SLC25A13: variants seen among roughly 807,000 people sequenced by gnomAD.
The protein encoded by SLC25A13 is electrogenic aspartate/glutamate antiporter SLC25A13, mitochondrial.
SLC25A13 carries 70 observed loss-of-function variants against 85.5 expected under a neutral mutation model. The ratio of observed to expected loss-of-function variants is 0.82; its 90% CI spans 0.68 to 1.00. SLC25A13 has a LOEUF of 1.00. Ranked by LOEUF, SLC25A13 falls within the 50% of genes least tolerant of loss-of-function variation. SLC25A13 has a pLI of 0.00. For synonymous variants in SLC25A13, 259 were observed against 288.7 expected (o/e 0.90, Z 1.04); for missense variants, 765 against 819.8 (o/e 0.93, Z 0.82).
chr7:96,285,913 T>C (rs949810112), intron 2 of SLC25A13, among the ~76,000 whole-genome samples: 1 of 152,172 alleles, frequency 6.6e-6, no homozygotes, highest in African/African-American at 2.4e-5. Flanking sequence ...GAAACAAAAC[T>C]GACTTCCTAG....
chr7:96,294,742 T>G lies in SLC25A13; in HGVS notation c.69+2156A>C, dbSNP rs958397293. 2.0e-5 allele frequency among the ~76,000 whole-genome samples: 3 copies of G among 152,180 alleles called. 1 individual carries two copies. The highest frequency in any genetic ancestry group is 2.0e-4 in the Admixed American group (3 of 15,280). ...ATCCAGGCTGGAATGTGGTGGCACA[T>G]TCATAGCTCACTGAAGCCTCAAATT... On this transcript the variant is annotated intron_variant, in intron 2 of 17. Transcript: ENST00000265631.
At chr7:96,220,120 C>T (rs1343485565) in intron 4 of SLC25A13, among the ~76,000 whole-genome samples, 3 of 152,116 alleles carry the variant, frequency 2.0e-5, no homozygotes, top group African/African-American at 7.2e-5. Flanking sequence ...TTATTGTTAA[C>T]TTTCATTACC....
chr7:96,161,333 C>A (rs1221773711), intron 13 of SLC25A13, among the ~76,000 whole-genome samples: 1 of 152,166 alleles, frequency 6.6e-6, no homozygotes, highest in Non-Finnish European at 1.5e-5. Flanking sequence ...GCTATTCCCT[C>A]AATTCCTGCA....
intron 3 of SLC25A13, among the ~76,000 whole-genome samples, chr7:96,276,172 T>C (rs1479516333): frequency 2.0e-5 from 3 of 152,208 alleles, no homozygotes; most frequent in Non-Finnish European, 4.4e-5. Context: ...CAAGGTCCTT[T>C]ACAGTTTACC....
rs182747646 is a variant in SLC25A13, at chr7:96,210,619, G to A, written c.329-1642C>T. Among the ~76,000 whole-genome samples the A allele has an allele frequency of 6.2e-4, 94 of 152,160 alleles. 1 individual carries two copies. Among genetic ancestry groups the A allele is most frequent in the Non-Finnish European group, 1.2e-4 (8 of 67,996 alleles). Reference sequence around the variant, plus strand: ...TTCTTCAGTGCAAAACATATTAACCGAGATAATCTGTGACTCCTTTCCAGG... The same window carrying A: ...TTCTTCAGTGCAAAACATATTAACCAAGATAATCTGTGACTCCTTTCCAGG... On this transcript the variant is annotated intron_variant, in intron 4 of 17. Transcript: ENST00000265631.
intron 14 of SLC25A13, among the ~76,000 whole-genome samples, chr7:96,135,356 C>T (rs1792232081): frequency 6.6e-6 from 1 of 152,154 alleles, no homozygotes; most frequent in Non-Finnish European, 1.5e-5. Context: ...AGCCCAATTC[C>T]CAAGGAAAGA....
intron 5 of SLC25A13, among the ~76,000 whole-genome samples, chr7:96,195,776 T>C (rs1795037235): frequency 6.6e-6 from 1 of 152,230 alleles, no homozygotes; most frequent in South Asian, 2.1e-4. Context: ...CCTGAAATCC[T>C]GCCACTTCCT....
intron 2 of SLC25A13, among the ~76,000 whole-genome samples, chr7:96,289,166 T>C (rs1799013317): frequency 6.6e-6 from 1 of 152,142 alleles, no homozygotes; most frequent in Admixed American, 6.5e-5. Flanking sequence ...TGGACCTCCA[T>C]CAAACTCCAA....
chr7:96,210,604 C>T (rs572471910), intron 4 of SLC25A13, among the ~76,000 whole-genome samples: 2 of 152,246 alleles, frequency 1.3e-5, no homozygotes, highest in African/African-American at 4.8e-5. Context: ...TTCTTCAGTG[C>T]AAAACATATT....
At chr7:96,274,701 G>T (rs951242039) in intron 3 of SLC25A13, among the ~76,000 whole-genome samples, 1 of 152,150 alleles carries the variant, frequency 6.6e-6, no homozygotes, top group African/African-American at 2.4e-5. Flanking sequence ...TGTAAGGAAG[G>T]GATCCAGTTT....
intron 1 of SLC25A13, among the ~76,000 whole-genome samples, chr7:96,321,595 C>A (rs532951954): frequency 6.6e-6 from 1 of 152,294 alleles, no homozygotes; most frequent in Non-Finnish European, 1.5e-5. Flanking sequence ...GTAGAGAGGA[C>A]CCCCAGCGCT....
At chr7:96,240,514 C>T (rs1796928740) in intron 3 of SLC25A13, among the ~76,000 whole-genome samples, 1 of 152,024 alleles carries the variant, frequency 6.6e-6, no homozygotes, top group Non-Finnish European at 1.5e-5. Context: ...AAGCCAGGTA[C>T]CAAGGAAGGA....
intron 13 of SLC25A13, among the ~76,000 whole-genome samples, chr7:96,154,795 C>CTTTTTTTTTTTTTTTTTT (rs199642402): frequency 1.6e-5 from 2 of 122,328 alleles, no homozygotes. Flanking sequence ...ATTTCAGCAT[C>CTTTTTTTTTTTTTTTTTT]TTTTTCTTTT....
intron 4 of SLC25A13, among the ~76,000 whole-genome samples, chr7:96,217,851 T>G (rs1055724060): frequency 6.6e-6 from 1 of 150,652 alleles, no homozygotes; most frequent in African/African-American, 2.5e-5. Context: ...TAAAAACCAT[T>G]GAATTATATA....
intron 3 of SLC25A13, among the ~76,000 whole-genome samples, chr7:96,261,246 A>G (rs967730118): frequency 2.0e-5 from 3 of 152,144 alleles, no homozygotes; most frequent in Non-Finnish European, 2.9e-5. Context: ...ACCTACCTCT[A>G]TATCATCTAT....
chr7:96,234,897 A>C lies in SLC25A13; in HGVS notation c.233T>G (p.Phe78Cys), dbSNP rs1330055233. Residue 78 changes from phenylalanine to cysteine, a missense_variant, in exon 4 of 18, where the codon TTT becomes TGT. Coordinates refer to ENST00000265631, the MANE Select transcript of SLC25A13 (RefSeq NM_014251.3). ...ACACAGGACAGATTCAAAGGCAACA[A>C]ATTCTTGAAAAGATATTAATCTGCA... ...TKDGLISFQEFVAFESVLCAP... is the reference protein window; with the variant it reads ...TKDGLISFQECVAFESVLCAP... 9 of 1,613,662 alleles carry C rather than the reference A, an allele frequency of 5.6e-6. No homozygotes were observed. Among genetic ancestry groups the C allele is most frequent in the Admixed American group, 1.7e-5 (1 of 60,032 alleles).
At chr7:96,144,868 C>T (rs1792714259) in intron 14 of SLC25A13, among the ~76,000 whole-genome samples, 1 of 152,192 alleles carries the variant, frequency 6.6e-6, no homozygotes, top group Non-Finnish European at 1.5e-5. Flanking sequence ...CTCATCTAGA[C>T]ATTTCAATAA....
At chr7:96,314,080 A>G (rs71564825) in intron 1 of SLC25A13, among the ~76,000 whole-genome samples, 1 of 152,110 alleles carries the variant, frequency 6.6e-6, no homozygotes, top group African/African-American at 2.4e-5. Flanking sequence ...AAGAAAGAAG[A>G]CGAAAGAAGA....
chr7:96,144,318 C>T (rs1334290552), intron 14 of SLC25A13, among the ~76,000 whole-genome samples: 2 of 152,120 alleles, frequency 1.3e-5, no homozygotes, highest in African/African-American at 4.8e-5. Flanking sequence ...TCAACATCTG[C>T]TGAATGAAAT....
Sources: allele counts gnomAD v4.1 joint callset (sites outside exome capture counted in the v4.1 genomes callset), GRCh38; gene constraint gnomAD v4.1.1; transcripts MANE v1.5; gene names NCBI Gene and HGNC (gene_info 2026-07-23, HGNC 2026-07-21).